Variants in PLPPR5 observed in about 807,000 individuals in gnomAD.
PLPPR5 encodes phospholipid phosphatase related 5, also known as phospholipid phosphatase-related protein type 5.
A neutral mutation model predicts 33.9 loss-of-function variants in PLPPR5; 16 were observed. The observed-to-expected ratio is 0.47, with a 90% CI of 0.32 to 0.72. The LOEUF (loss-of-function observed/expected upper bound fraction) is 0.72. PLPPR5 is among the 30% of genes least tolerant of loss of function. The pLI is 0.03. For synonymous variants in PLPPR5, 163 were observed against 150.3 expected (o/e 1.08, Z -0.62); for missense variants, 301 against 406.7 (o/e 0.74, Z 2.23).
intron 5 of PLPPR5, among the ~76,000 whole-genome samples, chr1:98,902,957 T>C (rs1487450254): frequency 1.3e-5 from 2 of 152,128 alleles, no homozygotes; most frequent in Non-Finnish European, 2.9e-5. Flanking sequence ...TTATTTTTCA[T>C]GTAGTATGTA....
chr1:98,933,450 T>C (rs2101180092), intron 3 of PLPPR5, among the ~76,000 whole-genome samples: 1 of 133,940 alleles, frequency 7.5e-6, no homozygotes, highest in South Asian at 2.3e-4. Flanking sequence ...GCCACTGCAC[T>C]CCAGCCTGGG....
Position 98,890,472 on chromosome 1 carries a change from T to C in PLPPR5, c.*2600A>G, listed in dbSNP as rs1648234692. The C allele has an allele frequency of 6.6e-6, 1 of 152,474 alleles. No homozygotes were observed. The highest frequency in any genetic ancestry group is 1.5e-5 in the Non-Finnish European group (1 of 67,996). 9.4% of individuals were successfully genotyped at this position (152,474 alleles called of 1,614,324 possible). Reference sequence around the variant, plus strand: ...TTTAACATAAAAGAGCCTTTTAAGTTATCACAGGAATCAGATAAAACATGT... The same window carrying C: ...TTTAACATAAAAGAGCCTTTTAAGTCATCACAGGAATCAGATAAAACATGT... On this transcript the variant is annotated 3_prime_UTR_variant, in exon 6 of 6. Transcript: ENST00000263177.
chr1:98,985,039 T>C (rs777349909), intron 1 of PLPPR5, among the ~76,000 whole-genome samples: 1 of 152,102 alleles, frequency 6.6e-6, no homozygotes, highest in Non-Finnish European at 1.5e-5. Context: ...GAAAAGCTCA[T>C]TGGTCTCAAC....
At position 99,004,658 on chromosome 1, in the gene PLPPR5, G is replaced by A. The variant is rs142171434; in HGVS notation, c.14C>T (p.Pro5Leu). The change falls in exon 1 of 6, where the codon CCC becomes CTC. Residue 5 changes from proline to leucine, a missense_variant. By Grantham distance (98) the Pro-to-Leu change is moderately conservative. Coordinates refer to ENST00000263177, the MANE Select transcript of PLPPR5 (RefSeq NM_001037317.2). The part of the protein sequence containing the change: MPLL[P>L]AALTSSMLYF... Reference sequence around the variant, plus strand: ...GAGCATGCTGCTGGTGAGCGCCGCGGGCAGCAGGGGCATGCACGCCTCCCG... The same window carrying A: ...GAGCATGCTGCTGGTGAGCGCCGCGAGCAGCAGGGGCATGCACGCCTCCCG... The A allele has an allele frequency of 3.4e-5, 54 of 1,610,524 alleles. No individual in the cohort carries two copies. The South Asian group carries it at 5.3e-4, about 16-fold the overall frequency.
intron 1 of PLPPR5, among the ~76,000 whole-genome samples, chr1:98,995,302 G>T (rs1015427524): frequency 6.6e-6 from 1 of 152,014 alleles, no homozygotes; most frequent in Admixed American, 6.6e-5. Flanking sequence ...AGACACTGGG[G>T]CCTACTTAAA....
rs72730306 is a variant in PLPPR5 at position 98,908,172 on chromosome 1, G to T, written c.933+6614C>A. ...GCTCCTAGCTGCCATTCTCACTCTGGAATTTTGGGACATTATTGAGGCTGC... is the reference window on the plus strand; with the variant it reads ...GCTCCTAGCTGCCATTCTCACTCTGTAATTTTGGGACATTATTGAGGCTGC... On this transcript the variant is annotated intron_variant, in intron 5 of 5. Transcript: ENST00000263177. Among the ~76,000 whole-genome samples, 112 of 152,258 alleles carry T rather than the reference G, an allele frequency of 7.4e-4. 2 individuals carry two copies. In the East Asian group the frequency reaches 0.018, roughly 25 times the overall value.
intron 1 of PLPPR5, among the ~76,000 whole-genome samples, chr1:98,957,076 T>C (rs1364231515): frequency 6.6e-6 from 1 of 150,786 alleles, no homozygotes; most frequent in Non-Finnish European, 1.5e-5. Flanking sequence ...CTCAGTAAAC[T>C]ATCGCAAGAA....
chr1:98,892,300 A>C lies in PLPPR5; in HGVS notation c.*772T>G, dbSNP rs1648305770. 1 of 152,450 alleles carries C rather than the reference A, an allele frequency of 6.6e-6. No individual in the cohort carries two copies. The highest frequency in any genetic ancestry group is 2.4e-5 in the African/African-American group (1 of 41,404). The allele number at this position is 152,450 out of a possible 1,614,324, so 9.4% of individuals were successfully genotyped here. A position where few individuals can be genotyped will look rare whatever the true frequency, so the allele number is the denominator to read the frequency against. ...ACCAGTGCTGAATTTACTCATTTAA[A>C]CTACCCTAAATACTGCCTGCATTCA... On this transcript the variant is annotated 3_prime_UTR_variant, in exon 6 of 6. Coordinates refer to ENST00000263177, the MANE Select transcript of PLPPR5 (RefSeq NM_001037317.2).
intron 3 of PLPPR5, among the ~76,000 whole-genome samples, chr1:98,932,208 C>T (rs1650001289): frequency 6.6e-6 from 1 of 152,178 alleles, no homozygotes; most frequent in African/African-American, 2.4e-5. Context: ...AACACTGTAC[C>T]TCATGGTAGT....
chr1:98,934,819 G>A (rs1461221435), intron 3 of PLPPR5, among the ~76,000 whole-genome samples: 1 of 152,134 alleles, frequency 6.6e-6, no homozygotes, highest in African/African-American at 2.4e-5. Flanking sequence ...TCCTGTAGGG[G>A]CCATTTTTAT....
intron 3 of PLPPR5, among the ~76,000 whole-genome samples, chr1:98,928,548 C>CATATATATAT (rs60624111): frequency 0.012 from 911 of 73,842 alleles, 64 homozygotes; most frequent in African/African-American, 0.026. Flanking sequence ...AGTTTTAAAT[C>CATATATATAT]ATATATATAT....
intron 1 of PLPPR5, among the ~76,000 whole-genome samples, chr1:98,991,648 C>A (rs868847462): frequency 1.3e-5 from 2 of 150,498 alleles, no homozygotes; most frequent in South Asian, 4.2e-4. Context: ...ATGAAACCAC[C>A]TAAGTTGTTC....
chr1:98,985,056 G>A (rs972743248), intron 1 of PLPPR5, among the ~76,000 whole-genome samples: 2 of 152,052 alleles, frequency 1.3e-5, no homozygotes, highest in Non-Finnish European at 2.9e-5. Flanking sequence ...CAACAAGCCT[G>A]ACCTTTGACC....
intron 3 of PLPPR5, among the ~76,000 whole-genome samples, chr1:98,928,897 C>T (rs1649863170): frequency 6.6e-6 from 1 of 151,872 alleles, no homozygotes; most frequent in African/African-American, 2.4e-5. Context: ...TTAGGGTTTT[C>T]TAAGTTAAAC....
chr1:98,915,701 G>A (rs780453721), intron 4 of PLPPR5, among the ~76,000 whole-genome samples: 6 of 152,094 alleles, frequency 3.9e-5, no homozygotes, highest in Non-Finnish European at 7.4e-5. Flanking sequence ...TCCTTAATGT[G>A]CATAAAAATA....
rs574112779 is a variant in PLPPR5 at position 98,921,882 on chromosome 1, C to T, written c.798G>A (p.Leu266=). Residue 266 remains leucine (L), a splice_region_variant and synonymous_variant, in exon 4 of 6, where the codon CTG becomes CTA. Transcript: ENST00000263177. The part of the protein sequence containing the change: ...FLVGISIAVF[L]VVCVVNNFKG... ...GATATATAAATAAATTTGTACTTAC[C>T]AGAAATACTGCTATAGATATTCCAA... 5 of 1,600,076 alleles carry T rather than the reference C, an allele frequency of 3.1e-6. No homozygotes were observed. The East Asian group carries it at 9.0e-5, about 29-fold the overall frequency.
intron 4 of PLPPR5, among the ~76,000 whole-genome samples, chr1:98,921,081 T>A (rs1570698749): frequency 2.0e-5 from 3 of 152,246 alleles, no homozygotes; most frequent in Admixed American, 2.0e-4. Flanking sequence ...GTCAGAAAAA[T>A]ACTTAGAAAT....
chr1:98,945,306 C>T (rs559069298), intron 3 of PLPPR5, among the ~76,000 whole-genome samples: 6 of 152,278 alleles, frequency 3.9e-5, no homozygotes, highest in Non-Finnish European at 8.8e-5. Context: ...TACCTGGTCA[C>T]CTGGAAAATA....
chr1:98,958,341 A>G (rs1651095200), intron 1 of PLPPR5, among the ~76,000 whole-genome samples: 1 of 152,172 alleles, frequency 6.6e-6, no homozygotes. Context: ...GTGTGAATAA[A>G]AGATTATGAG....
Sources: gnomAD v4.1 joint callset for allele counts (sites outside exome capture counted in the v4.1 genomes callset) on GRCh38, gnomAD v4.1.1 for gene constraint, MANE v1.5 for transcripts, NCBI Gene and HGNC (gene_info 2026-07-23, HGNC 2026-07-21) for gene names.